Variants in HECW1 observed in about 807,000 individuals in gnomAD.
The protein encoded by HECW1 is E3 ubiquitin-protein ligase HECW1.
A neutral mutation model predicts 182.3 loss-of-function variants in HECW1; 61 were observed. The observed-to-expected ratio is 0.33, with a 90% CI of 0.27 to 0.41. The LOEUF (loss-of-function observed/expected upper bound fraction) is 0.41, where lower values mean the gene tolerates loss of function less well. HECW1 is among the 10% of genes least tolerant of loss of function. The pLI, the probability that HECW1 is intolerant of heterozygous loss-of-function variation, is 1.00. For missense variants in HECW1, 1,739 were observed against 2,108.9 expected, an observed-to-expected ratio of 0.82 and a Z score of 3.44; for synonymous variants, 859 against 832.6, an observed-to-expected ratio of 1.03 and a Z score of -0.55.
chr7:43,447,280 G>A (rs1186092530), intron 11 of HECW1, among the ~76,000 whole-genome samples: 1 of 151,942 alleles, frequency 6.6e-6, no homozygotes, highest in East Asian at 1.9e-4. Flanking sequence ...ATCTACACAT[G>A]GTCAATTGAA....
intron 19 of HECW1, among the ~76,000 whole-genome samples, chr7:43,494,832 G>A (rs1237758661): frequency 6.6e-6 from 1 of 152,062 alleles, no homozygotes; most frequent in African/African-American, 2.4e-5. Context: ...AGATTTCTAA[G>A]CATAATGTCC....
intron 26 of HECW1, among the ~76,000 whole-genome samples, chr7:43,544,800 C>T (rs2081493443): frequency 6.6e-6 from 1 of 152,078 alleles, no homozygotes; most frequent in South Asian, 2.1e-4. Flanking sequence ...GAGGACACCC[C>T]AACCCCTCAA....
chr7:43,388,555 G>T (rs1258631069), intron 6 of HECW1, among the ~76,000 whole-genome samples: 1 of 152,188 alleles, frequency 6.6e-6, no homozygotes, highest in Non-Finnish European at 1.5e-5. Context: ...GCAGTCACAG[G>T]ACACCTGGGG....
chr7:43,286,153 G>A (rs1198663897), intron 3 of HECW1, among the ~76,000 whole-genome samples: 1 of 152,222 alleles, frequency 6.6e-6, no homozygotes, highest in East Asian at 1.9e-4. Flanking sequence ...TGAGAGGGTG[G>A]ATGACTTGGA....
chr7:43,429,585 C>T (rs1357694618), intron 8 of HECW1, among the ~76,000 whole-genome samples: 1 of 152,026 alleles, frequency 6.6e-6, no homozygotes, highest in African/African-American at 2.4e-5. Flanking sequence ...TGACTTTAGG[C>T]AGCACTGTTT....
intron 24 of HECW1, among the ~76,000 whole-genome samples, chr7:43,526,334 A>G (rs754933097): frequency 6.6e-6 from 1 of 152,204 alleles, no homozygotes; most frequent in Non-Finnish European, 1.5e-5. Flanking sequence ...CCTAGATTGT[A>G]CACTCCATGG....
intron 24 of HECW1, among the ~76,000 whole-genome samples, chr7:43,527,857 G>A (rs1016674266): frequency 6.6e-6 from 1 of 152,092 alleles, no homozygotes; most frequent in African/African-American, 2.4e-5. Context: ...ATTCTCCCAA[G>A]GTAAACAGAG....
At chr7:43,230,453 A>G (rs1478593283) in intron 2 of HECW1, among the ~76,000 whole-genome samples, 1 of 152,190 alleles carries the variant, frequency 6.6e-6, no homozygotes, top group Admixed American at 6.5e-5. Context: ...ACTGAACTCA[A>G]TATAACACAA....
At chr7:43,491,992 C>T in intron 17 of HECW1, 83 bp from the exon 18 acceptor site, 2 of 948,098 alleles carry the variant, frequency 2.1e-6, no homozygotes, top group African/African-American at 1.7e-5. Flanking sequence ...AAATCTTTTA[C>T]CCCTTAGGTT....
chr7:43,386,630 A>G (rs1013585928), intron 6 of HECW1, among the ~76,000 whole-genome samples: 2 of 152,088 alleles, frequency 1.3e-5, no homozygotes, highest in African/African-American at 4.8e-5. Context: ...GCTGTCTTCT[A>G]ATTAAACCCT....
chr7:43,493,173 A>G lies in HECW1; in HGVS notation c.3430A>G (p.Thr1144Ala), dbSNP rs1381935213. The part of the protein sequence containing the change: ...ERQPSLARNH[T>A]LREKIHYIRT... ...TCAGCCAAGCTTAGCAAGAAACCAC[A>G]CACTCAGGTAAGCCTCGCCCCTCAC... The change falls in exon 19 of 30, where the codon ACA (threonine) becomes GCA (alanine). Residue 1144 changes from threonine (T) to alanine (A), a missense_variant. Thr to Ala is a moderately conservative substitution (Grantham distance 58). Coordinates refer to ENST00000395891, the MANE Select transcript of HECW1 (RefSeq NM_015052.5). 1 of 1,611,490 alleles carries G rather than the reference A, an allele frequency of 6.2e-7. No homozygotes were observed. The highest frequency in any genetic ancestry group is 1.1e-5 in the South Asian group (1 of 90,972).
intron 2 of HECW1, among the ~76,000 whole-genome samples, chr7:43,120,050 G>A (rs1320286013): frequency 6.6e-6 from 1 of 152,212 alleles, no homozygotes; most frequent in Non-Finnish European, 1.5e-5. Context: ...GTGCTGGGAT[G>A]TAGCAGGATC....
chr7:43,420,453 T>C (rs1276161283), intron 8 of HECW1, among the ~76,000 whole-genome samples: 1 of 152,242 alleles, frequency 6.6e-6, no homozygotes. Flanking sequence ...TTTAATATTG[T>C]GCTAGAGATT....
At chr7:43,394,242 G>A (rs1316018123) in intron 6 of HECW1, among the ~76,000 whole-genome samples, 3 of 152,182 alleles carry the variant, frequency 2.0e-5, no homozygotes, top group African/African-American at 4.8e-5. Context: ...GTTAAGAAAA[G>A]CATGGTCTAG....
intron 6 of HECW1, among the ~76,000 whole-genome samples, chr7:43,393,212 CAGTT>C (rs1289598301): frequency 6.6e-6 from 1 of 152,104 alleles, no homozygotes; most frequent in African/African-American, 2.4e-5. Flanking sequence ...CAGCACCAAG[CAGTT>C]AGAATGGTAG....
At chr7:43,426,701 G>A (rs1271557389) in intron 8 of HECW1, among the ~76,000 whole-genome samples, 1 of 152,114 alleles carries the variant, frequency 6.6e-6, no homozygotes, top group Admixed American at 6.5e-5. Context: ...AGGATTATCT[G>A]ATCCAAGAAA....
intron 6 of HECW1, among the ~76,000 whole-genome samples, chr7:43,362,835 G>T (rs1214927811): frequency 6.6e-6 from 1 of 152,240 alleles, no homozygotes; most frequent in Non-Finnish European, 1.5e-5. Flanking sequence ...CCAACACACA[G>T]CAGTTCACTG....
At chr7:43,326,286 C>T (rs1407227119) in intron 5 of HECW1, among the ~76,000 whole-genome samples, 1 of 152,236 alleles carries the variant, frequency 6.6e-6, no homozygotes, top group African/African-American at 2.4e-5. Flanking sequence ...TTTGTAATGA[C>T]TCCCCCCTTG....
At chr7:43,482,674 G>T (rs2078481188) in intron 17 of HECW1, among the ~76,000 whole-genome samples, 1 of 152,184 alleles carries the variant, frequency 6.6e-6, no homozygotes, top group Admixed American at 6.5e-5. Flanking sequence ...GGGAAGCTGA[G>T]ATGGGAGCAT....
Sources: gnomAD v4.1 joint callset for allele counts (sites outside exome capture counted in the v4.1 genomes callset) on GRCh38, gnomAD v4.1.1 for gene constraint, MANE v1.5 for transcripts, NCBI Gene and HGNC (gene_info 2026-07-23, HGNC 2026-07-21) for gene names.